The following CPNE4 variants were observed in gnomAD, a reference collection of about 807,000 sequenced individuals.
CPNE4 encodes the protein copine 4, also known as copine-4.
Under a neutral mutation model 67.9 loss-of-function variants are expected in CPNE4, and 25 were observed. The observed-to-expected ratio is 0.37, with a 90% confidence interval of 0.27 to 0.51. The LOEUF (loss-of-function observed/expected upper bound fraction) is 0.51, where lower values mean the gene tolerates loss of function less well. CPNE4 is among the 20% of genes least tolerant of loss of function. The pLI, the probability that CPNE4 is intolerant of heterozygous loss-of-function variation, is 0.93. For missense variants in CPNE4, 464 were observed against 690.8 expected (o/e 0.67, Z 3.68); for synonymous variants, 242 against 244.9 (o/e 0.99, Z 0.11).
At chr3:131,552,658 G>T (rs1936247775) in intron 12 of CPNE4, among the ~76,000 whole-genome samples, 167 bp from the exon 13 acceptor site, 1 of 152,074 alleles carries the variant, frequency 6.6e-6, no homozygotes, top group Non-Finnish European at 1.5e-5. Flanking sequence ...ATGAGATGGA[G>T]GGTGAATTCT....
chr3:131,595,595 G>A (rs1324516422), intron 7 of CPNE4, among the ~76,000 whole-genome samples: 1 of 152,176 alleles, frequency 6.6e-6, no homozygotes, highest in Non-Finnish European at 1.5e-5. Context: ...GTGAAGGGGA[G>A]CCAGCATGTA....
intron 1 of CPNE4, among the ~76,000 whole-genome samples, chr3:132,006,730 G>A (rs2073617121): frequency 6.6e-6 from 1 of 151,830 alleles, no homozygotes; most frequent in Non-Finnish European, 1.5e-5. Context: ...GCCTTGAGAA[G>A]CAATGAGCAA....
At chr3:131,903,274 A>T (rs527873897) in intron 2 of CPNE4, among the ~76,000 whole-genome samples, 1 of 152,060 alleles carries the variant, frequency 6.6e-6, no homozygotes, top group Non-Finnish European at 1.5e-5. Context: ...CAAATCCCTT[A>T]TTCTGAGTAC....
chr3:132,012,611 C>A (rs1288213710), intron 1 of CPNE4, among the ~76,000 whole-genome samples: 1 of 152,056 alleles, frequency 6.6e-6, no homozygotes, highest in Non-Finnish European at 1.5e-5. Flanking sequence ...CAAGAGGCTC[C>A]TGGGCAAATA....
At chr3:131,921,701 T>C (rs2070743650) in intron 1 of CPNE4, among the ~76,000 whole-genome samples, 1 of 152,160 alleles carries the variant, frequency 6.6e-6, no homozygotes, top group East Asian at 1.9e-4. Flanking sequence ...GAGGATTCAG[T>C]GAGCAACAAT....
At chr3:131,780,332 T>C (rs2083400780) in intron 2 of CPNE4, among the ~76,000 whole-genome samples, 1 of 152,160 alleles carries the variant, frequency 6.6e-6, no homozygotes, top group African/African-American at 2.4e-5. Flanking sequence ...TTACTGGGTA[T>C]ATACTCAAAG....
chr3:131,584,796 T>G (rs1938071980), intron 8 of CPNE4, among the ~76,000 whole-genome samples: 1 of 152,204 alleles, frequency 6.6e-6, no homozygotes, highest in Non-Finnish European at 1.5e-5. Flanking sequence ...CTAGCATGAC[T>G]GAGGAACTTA....
At chr3:131,801,367 T>TGG (rs1365312156) in intron 2 of CPNE4, among the ~76,000 whole-genome samples, 1 of 133,478 alleles carries the variant, frequency 7.5e-6, no homozygotes, top group Admixed American at 7.8e-5. Flanking sequence ...TATATATATA[T>TGG]GTACCATATA....
chr3:131,550,124 A>G, intron 13 of CPNE4, 44 bp from the exon 14 acceptor site: 1 of 1,604,758 alleles, frequency 6.2e-7, no homozygotes, highest in African/African-American at 1.3e-5. Flanking sequence ...GAGTCACTCC[A>G]AATATATTTA....
At chr3:131,795,159 T>C (rs73222315) in intron 2 of CPNE4, among the ~76,000 whole-genome samples, 14,553 of 152,278 alleles carry the variant, frequency 0.096, 839 homozygotes, top group East Asian at 0.17. Flanking sequence ...TCTAGAGCTC[T>C]TTCCGTCAGC....
intron 2 of CPNE4, among the ~76,000 whole-genome samples, chr3:131,837,323 T>C (rs941897982): frequency 2.6e-5 from 4 of 152,122 alleles, no homozygotes; most frequent in African/African-American, 7.2e-5. Context: ...GTTGAATAAA[T>C]TGTTGGATGT....
At chr3:131,969,700 G>A (rs2072452884) in intron 1 of CPNE4, among the ~76,000 whole-genome samples, 1 of 152,114 alleles carries the variant, frequency 6.6e-6, no homozygotes, top group Admixed American at 6.5e-5. Flanking sequence ...AGATTAAAGT[G>A]ACTCCAAAAT....
rs147358911 is a variant in CPNE4, at chr3:131,740,203, T to C, written c.181-16578A>G. On this transcript the variant is annotated intron_variant, in intron 2 of 15. Coordinates refer to ENST00000429747, the MANE Select transcript of CPNE4 (RefSeq NM_130808.3). ...GGTACAGCTGGGTATTTCTTGGTCT[T>C]GTCTCAGGCAGGAACTCCTCATCTA... Among the ~76,000 whole-genome samples the C allele has an allele frequency of 1.5e-3, 231 of 152,332 alleles. 1 individual carries two copies. Among genetic ancestry groups the C allele is most frequent in the African/African-American group, 5.3e-3 (222 of 41,576 alleles).
intron 1 of CPNE4, among the ~76,000 whole-genome samples, chr3:131,920,391 C>G (rs1466653775): frequency 6.6e-6 from 1 of 152,124 alleles, no homozygotes; most frequent in African/African-American, 2.4e-5. Flanking sequence ...TGTGTTCCTA[C>G]AGTTCTGGTT....
intron 1 of CPNE4, among the ~76,000 whole-genome samples, chr3:131,916,295 A>C (rs1259603701): frequency 6.6e-6 from 1 of 150,896 alleles, no homozygotes; most frequent in Non-Finnish European, 1.5e-5. Context: ...CACTAGGGTC[A>C]CGTTAACAGG....
intron 2 of CPNE4, among the ~76,000 whole-genome samples, chr3:131,838,733 A>T (rs1453852316): frequency 1.3e-5 from 2 of 151,760 alleles, no homozygotes; most frequent in African/African-American, 4.8e-5. Flanking sequence ...TTTTTAAAAC[A>T]ATAAGCTCAG....
At chr3:131,538,505 T>C (rs1935297889) in intron 15 of CPNE4, among the ~76,000 whole-genome samples, 1 of 152,176 alleles carries the variant, frequency 6.6e-6, no homozygotes, top group Admixed American at 6.5e-5. Context: ...ATTAACCACC[T>C]ACATGGACCA....
At chr3:131,569,511 G>C (rs912413292) in intron 10 of CPNE4, among the ~76,000 whole-genome samples, 4 of 151,770 alleles carry the variant, frequency 2.6e-5, no homozygotes, top group Non-Finnish European at 4.4e-5. Context: ...GGTAGCATAT[G>C]GTTGTAGTCC....
chr3:131,830,643 C>T (rs2085332824), intron 2 of CPNE4, among the ~76,000 whole-genome samples: 1 of 152,144 alleles, frequency 6.6e-6, no homozygotes. Flanking sequence ...TCAACACTCT[C>T]CTGCCTTCCA....
Sources: allele counts gnomAD v4.1 joint callset (sites outside exome capture counted in the v4.1 genomes callset), GRCh38; gene constraint gnomAD v4.1.1; transcripts MANE v1.5; gene names NCBI Gene and HGNC (gene_info 2026-07-23, HGNC 2026-07-21).